RANBP2: variants seen among roughly 807,000 people sequenced by gnomAD.
RANBP2 encodes the protein E3 SUMO-protein ligase RanBP2.
RANBP2 carries 57 observed loss-of-function variants against 303.6 expected under a neutral mutation model. The observed-to-expected ratio is 0.19, with a 90% CI of 0.15 to 0.23. The LOEUF is 0.23. RANBP2 is among the 10% of genes least tolerant of loss of function. The pLI is 1.00. For missense variants in RANBP2, 3,138 were observed against 3,780.8 expected, an observed-to-expected ratio of 0.83 and a Z score of 4.46; for synonymous variants, 1,167 against 1,301.5, an observed-to-expected ratio of 0.90 and a Z score of 2.23.
the RANBP2 span, among the ~76,000 whole-genome samples, chr2:109,353,840 T>C: frequency 6.6e-6 from 1 of 152,164 alleles, no homozygotes; most frequent in Non-Finnish European, 1.5e-5. Context: ...GGGTGTGATC[T>C]CTGACATCTC....
At chr2:108,742,114 A>T (rs1369770289) in intron 7 of RANBP2, among the ~76,000 whole-genome samples, 1 of 151,250 alleles carries the variant, frequency 6.6e-6, no homozygotes, top group Non-Finnish European at 1.5e-5. Context: ...GTCCTGCTTC[A>T]GCCTCCCGAG....
chr2:109,311,928 T>C, the RANBP2 span, among the ~76,000 whole-genome samples: 2 of 152,208 alleles, frequency 1.3e-5, no homozygotes, highest in African/African-American at 4.8e-5. Context: ...GTGGATGAGA[T>C]GGAGTCACAG....
At chr2:109,405,729 T>C in the RANBP2 span, among the ~76,000 whole-genome samples, 8 of 152,160 alleles carry the variant, frequency 5.3e-5, no homozygotes, top group Admixed American at 3.3e-4. Flanking sequence ...ACCAAATCAA[T>C]TCCCCCACTG....
the RANBP2 span, among the ~76,000 whole-genome samples, chr2:109,398,236 T>C: frequency 6.6e-6 from 1 of 152,190 alleles, no homozygotes; most frequent in East Asian, 1.9e-4. Context: ...GATATGGGGC[T>C]TCCTTCCCAT....
At chr2:109,717,302 C>T in the RANBP2 span, among the ~76,000 whole-genome samples, 27 of 146,928 alleles carry the variant, frequency 1.8e-4, no homozygotes, top group Admixed American at 1.6e-3. Flanking sequence ...CCCAGTTCCA[C>T]GGGGTGCGGT....
the RANBP2 span, chr2:108,812,864 C>T: frequency 1.2e-6 from 2 of 1,613,374 alleles, no homozygotes; most frequent in East Asian, 4.5e-5. Context: ...AAGGAAGTTC[C>T]CATGCTGTTC....
At chr2:109,108,880 G>T in the RANBP2 span, among the ~76,000 whole-genome samples, 7 of 152,196 alleles carry the variant, frequency 4.6e-5, no homozygotes, top group African/African-American at 1.7e-4. Flanking sequence ...GTCTGTGAGG[G>T]TGCTGAGGGG....
At chr2:109,120,153 T>C in the RANBP2 span, among the ~76,000 whole-genome samples, 3 of 152,324 alleles carry the variant, frequency 2.0e-5, no homozygotes. Context: ...GGGTTCCTCA[T>C]GGCATCCCTG....
chr2:109,694,920 C>A, the RANBP2 span, among the ~76,000 whole-genome samples: 3 of 151,424 alleles, frequency 2.0e-5, no homozygotes, highest in Non-Finnish European at 2.9e-5. Flanking sequence ...TCTATGACTC[C>A]CCAGTAGAAA....
rs539098210 is a variant in RANBP2, at chr2:108,760,260, A to G, written c.2602+1712A>G. Among the ~76,000 whole-genome samples the G allele has an allele frequency of 3.3e-3, 499 of 152,330 alleles. 2 individuals carry two copies. Among genetic ancestry groups the G allele is most frequent in the African/African-American group, 0.011 (450 of 41,588 alleles). ...CCTATATTTGAGAGCATTTCCTTCT[A>G]GTTCTTTCTCTATACATATAGTATT... On this transcript the variant is annotated intron_variant, in intron 18 of 28. Coordinates refer to ENST00000283195, the MANE Select transcript of RANBP2 (RefSeq NM_006267.5).
At chr2:109,569,695 G>T in the RANBP2 span, among the ~76,000 whole-genome samples, 4 of 152,098 alleles carry the variant, frequency 2.6e-5, no homozygotes, top group East Asian at 1.9e-4. Context: ...TATATACTTA[G>T]GTATTCAACA....
the RANBP2 span, among the ~76,000 whole-genome samples, chr2:109,149,585 C>A: frequency 6.6e-6 from 1 of 152,154 alleles, no homozygotes; most frequent in Admixed American, 6.5e-5. Flanking sequence ...CTGGGTCTTG[C>A]ATGCAAGGTC....
chr2:109,596,310 C>T, the RANBP2 span, among the ~76,000 whole-genome samples: 2 of 152,050 alleles, frequency 1.3e-5, no homozygotes, highest in African/African-American at 4.8e-5. Flanking sequence ...GTAAAATTTG[C>T]TTAGAAAAAA....
the RANBP2 span, among the ~76,000 whole-genome samples, chr2:109,643,001 C>G: frequency 6.6e-6 from 1 of 151,670 alleles, no homozygotes; most frequent in Non-Finnish European, 1.5e-5. Context: ...ACAGTGAGAC[C>G]CTGTCTCTAC....
chr2:109,729,419 G>A, the RANBP2 span, among the ~76,000 whole-genome samples: 5 of 152,278 alleles, frequency 3.3e-5, 1 homozygote, highest in African/African-American at 1.2e-4. Flanking sequence ...GGCTGAGGCG[G>A]GCAGATAACT....
At chr2:109,613,848 T>C in the RANBP2 span, 6 of 1,236,300 alleles carry the variant, frequency 4.9e-6, no homozygotes, top group Non-Finnish European at 6.1e-6. Flanking sequence ...AGGGGCACGG[T>C]GAAGCGGCTG....
chr2:109,288,686 C>T, the RANBP2 span, among the ~76,000 whole-genome samples: 1 of 152,076 alleles, frequency 6.6e-6, no homozygotes, highest in East Asian at 1.9e-4. Flanking sequence ...TTCTCTTTGC[C>T]GGGAGCCTGG....
At chr2:108,826,406 T>A in the RANBP2 span, among the ~76,000 whole-genome samples, 1 of 152,176 alleles carries the variant, frequency 6.6e-6, no homozygotes, top group Non-Finnish European at 1.5e-5. Context: ...TGTTTAGGCC[T>A]TTGATGCATT....
chr2:108,777,743 A>C (rs1392494042), intron 25 of RANBP2, among the ~76,000 whole-genome samples: 1 of 152,148 alleles, frequency 6.6e-6, no homozygotes, highest in Non-Finnish European at 1.5e-5. Flanking sequence ...AAAAGAATCC[A>C]TTTCCCTGAT....
Sources: gnomAD v4.1 joint callset for allele counts (sites outside exome capture counted in the v4.1 genomes callset) on GRCh38, gnomAD v4.1.1 for gene constraint, MANE v1.5 for transcripts, NCBI Gene and HGNC (gene_info 2026-07-23, HGNC 2026-07-21) for gene names.